The following CHST9 variants were observed in gnomAD, a reference collection of about 807,000 sequenced individuals.
CHST9 encodes GalNAc-4-sulfotransferase 2.
In CHST9, 41 loss-of-function variants were observed where a neutral mutation model predicts 44.4. The observed-to-expected ratio is 0.92, with a 90% CI of 0.72 to 1.20. CHST9 has a LOEUF of 1.20. CHST9 is among the 50% of genes most tolerant of loss of function. CHST9 has a pLI of 0.00. For synonymous variants in CHST9, 171 were observed against 178.4 expected (o/e 0.96, Z 0.33); for missense variants, 504 against 516.5 (o/e 0.98, Z 0.23).
At chr18:27,092,036 G>C (rs1038670189) in intron 2 of CHST9, among the ~76,000 whole-genome samples, 21 of 152,164 alleles carry the variant, frequency 1.4e-4, no homozygotes, top group African/African-American at 4.3e-4. Context: ...AGCTCCCTTT[G>C]TACCTCTGGT....
Position 27,143,345 on chromosome 18 carries a change from A to C in CHST9, c.-96-440T>G, listed in dbSNP as rs145681312. Among the ~76,000 whole-genome samples, 553 of 152,264 alleles carry C rather than the reference A, an allele frequency of 3.6e-3. 11 individuals carry two copies. Among genetic ancestry groups the C allele is most frequent in the Non-Finnish European group, 2.6e-3 (180 of 68,014 alleles). On this transcript the variant is annotated intron_variant, in intron 1 of 5. Transcript: ENST00000618847. The stretch of plus-strand genomic sequence containing the variant: ...GTTCAAAAATTGAAGGTGTAATATC[A>C]TTTTTCTCTCATATAAAGTAACAGA...
intron 2 of CHST9, among the ~76,000 whole-genome samples, chr18:27,087,716 A>T (rs1181604000): frequency 6.6e-6 from 1 of 152,196 alleles, no homozygotes; most frequent in Non-Finnish European, 1.5e-5. Context: ...GTATCTAATA[A>T]CCTTATTAGC....
chr18:27,171,600 G>A (rs982643912), intron 1 of CHST9, among the ~76,000 whole-genome samples: 1 of 152,122 alleles, frequency 6.6e-6, no homozygotes, highest in African/African-American at 2.4e-5. Context: ...ATGAAGTATT[G>A]TAAATGTACA....
At chr18:27,098,689 A>C (rs2058141807) in intron 2 of CHST9, among the ~76,000 whole-genome samples, 1 of 152,160 alleles carries the variant, frequency 6.6e-6, no homozygotes, top group Admixed American at 6.6e-5. Flanking sequence ...ATTCTCAGCA[A>C]ACTAACACAG....
At chr18:27,070,972 C>T (rs1298596805) in intron 2 of CHST9, among the ~76,000 whole-genome samples, 1 of 152,200 alleles carries the variant, frequency 6.6e-6, no homozygotes, top group Non-Finnish European at 1.5e-5. Context: ...CCACAGGGTC[C>T]TGTGGCCTCT....
chr18:26,939,541 C>G (rs193249934), intron 5 of CHST9, among the ~76,000 whole-genome samples: 1 of 152,304 alleles, frequency 6.6e-6, no homozygotes, highest in African/African-American at 2.4e-5. Flanking sequence ...TTTGTGGGGC[C>G]TAGAGCAAGA....
At chr18:26,939,083 C>T (rs1475925649) in intron 5 of CHST9, among the ~76,000 whole-genome samples, 2 of 152,156 alleles carry the variant, frequency 1.3e-5, no homozygotes, top group Non-Finnish European at 2.9e-5. Flanking sequence ...ACAATCTCTT[C>T]CCTTTAGGGC....
At chr18:26,982,121 T>C (rs1384155297) in intron 4 of CHST9, among the ~76,000 whole-genome samples, 1 of 152,214 alleles carries the variant, frequency 6.6e-6, no homozygotes, top group Non-Finnish European at 1.5e-5. Flanking sequence ...AGACCCATGA[T>C]GTAGTCTCTG....
At chr18:27,050,597 T>A (rs1226575096) in intron 2 of CHST9, among the ~76,000 whole-genome samples, 2 of 152,222 alleles carry the variant, frequency 1.3e-5, no homozygotes, top group Non-Finnish European at 2.9e-5. Context: ...TTCATTTAAC[T>A]GGCACCTTGA....
chr18:27,088,640 C>T (rs538790858), intron 2 of CHST9, among the ~76,000 whole-genome samples: 4 of 152,232 alleles, frequency 2.6e-5, no homozygotes, highest in Admixed American at 1.3e-4. Flanking sequence ...GATCTGCCCG[C>T]CTCAGCCTCC....
At chr18:26,980,671 T>C (rs1178757539) in intron 4 of CHST9, among the ~76,000 whole-genome samples, 1 of 152,164 alleles carries the variant, frequency 6.6e-6, no homozygotes, top group East Asian at 1.9e-4. Context: ...ATTTAATTAC[T>C]GGTAGTGCTG....
intron 4 of CHST9, among the ~76,000 whole-genome samples, chr18:27,004,770 G>T (rs966312429): frequency 6.6e-6 from 1 of 152,152 alleles, no homozygotes; most frequent in African/African-American, 2.4e-5. Flanking sequence ...AGGCAGAAAG[G>T]AGGGTTTCTT....
At chr18:27,144,153 C>T (rs1450286246) in intron 1 of CHST9, among the ~76,000 whole-genome samples, 2 of 152,216 alleles carry the variant, frequency 1.3e-5, no homozygotes, top group Middle Eastern at 6.8e-3. Context: ...CAGAACACAA[C>T]CCCTCTGGGT....
At chr18:27,113,564 G>C (rs1170806367) in intron 2 of CHST9, among the ~76,000 whole-genome samples, 2 of 152,080 alleles carry the variant, frequency 1.3e-5, no homozygotes, top group African/African-American at 4.8e-5. Context: ...TGGTGCCCTT[G>C]GGAATGGGAT....
intron 1 of CHST9, 104 bp from the exon 2 acceptor site, chr18:27,143,009 C>T (rs1190788830): frequency 1.2e-5 from 5 of 426,208 alleles, no homozygotes; most frequent in Admixed American, 8.5e-5. Flanking sequence ...ACTTAATGTG[C>T]ACACTAATGC....
chr18:27,031,929 T>C (rs1256869730), intron 3 of CHST9, among the ~76,000 whole-genome samples: 1 of 152,244 alleles, frequency 6.6e-6, no homozygotes, highest in Non-Finnish European at 1.5e-5. Context: ...AAGCCCTTTA[T>C]ATATACATGA....
At chr18:27,010,530 C>T (rs370300141) in intron 4 of CHST9, among the ~76,000 whole-genome samples, 1 of 152,246 alleles carries the variant, frequency 6.6e-6, no homozygotes, top group African/African-American at 2.4e-5. Flanking sequence ...CCTACAGCCT[C>T]GAACTTGTAT....
chr18:27,098,957 G>A (rs1404096591), intron 2 of CHST9, among the ~76,000 whole-genome samples: 1 of 152,012 alleles, frequency 6.6e-6, no homozygotes, highest in Non-Finnish European at 1.5e-5. Flanking sequence ...TATACTATAA[G>A]GTTATAGTAA....
At chr18:26,956,473 A>G (rs2056326792) in intron 4 of CHST9, among the ~76,000 whole-genome samples, 1 of 148,220 alleles carries the variant, frequency 6.7e-6, no homozygotes, top group South Asian at 2.1e-4. Flanking sequence ...ATACAATTAT[A>G]TATATAATAT....
Sources: allele counts gnomAD v4.1 joint callset (sites outside exome capture counted in the v4.1 genomes callset), GRCh38; gene constraint gnomAD v4.1.1; transcripts MANE v1.5; gene names NCBI Gene and HGNC (gene_info 2026-07-23, HGNC 2026-07-21).